The following HDDC2 variants were observed in gnomAD, a reference collection of about 807,000 sequenced individuals.
The protein encoded by HDDC2 is 5'-deoxynucleotidase HDDC2.
HDDC2 carries 25 observed loss-of-function variants against 25.5 expected under a neutral mutation model. The observed-to-expected ratio is 0.98, with a 90% CI of 0.72 to 1.37. HDDC2 has a LOEUF of 1.37. Among genes scored for constraint, HDDC2 ranks in the 40% most tolerant of loss-of-function variants. The pLI is 0.00. For synonymous variants in HDDC2, 106 were observed against 89.7 expected (o/e 1.18, Z -1.03); for missense variants, 264 against 253.1 (o/e 1.04, Z -0.29).
intron 4 of HDDC2, among the ~76,000 whole-genome samples, chr6:125,286,629 A>G (rs1798540452): frequency 6.6e-6 from 1 of 152,216 alleles, no homozygotes; most frequent in Non-Finnish European, 1.5e-5. Context: ...ACAAGGTATT[A>G]TATGTGCAAT....
At chr6:125,290,132 T>C (rs918211523) in intron 4 of HDDC2, among the ~76,000 whole-genome samples, 2 of 152,240 alleles carry the variant, frequency 1.3e-5, no homozygotes, top group Non-Finnish European at 2.9e-5. Context: ...ATGTAACTAA[T>C]GCTATTCTAA....
chr6:125,291,699 T>C (rs1220856980), intron 4 of HDDC2, among the ~76,000 whole-genome samples: 2 of 152,150 alleles, frequency 1.3e-5, no homozygotes, highest in Non-Finnish European at 2.9e-5. Context: ...TGTGGTTAAA[T>C]AGAGTCAAGT....
chr6:125,292,216 AT>A (rs915413775), intron 4 of HDDC2, among the ~76,000 whole-genome samples: 5 of 151,700 alleles, frequency 3.3e-5, no homozygotes, highest in South Asian at 2.1e-4. Context: ...GGAAAGGGGA[AT>A]TTTTTTTTCC....
At chr6:125,300,774 C>T (rs9491377) in intron 1 of HDDC2, 115 bp from the exon 2 acceptor site, 193,613 of 1,030,528 alleles carry the variant, frequency 0.19, 22,957 homozygotes, top group African/African-American at 0.53. Flanking sequence ...AATTTCAGAA[C>T]CTATTACAAA....
intron 3 of HDDC2, among the ~76,000 whole-genome samples, chr6:125,295,948 G>A (rs559943279): frequency 6.9e-4 from 105 of 152,184 alleles, no homozygotes; most frequent in Non-Finnish European, 1.3e-3. Context: ...CAGACTACAA[G>A]TATTGCTTTT....
At position 125,297,598 on chromosome 6, in the gene HDDC2, C is replaced by G. The variant is rs572292251; in HGVS notation, c.309+1116G>C. The G allele has an allele frequency of 8.6e-5, 34 of 395,162 alleles. No homozygotes were observed. The South Asian group carries it at 3.9e-3, about 45-fold the overall frequency. 24.5% of individuals were successfully genotyped at this position (395,162 alleles called of 1,614,324 possible). On this transcript the variant is annotated intron_variant, in intron 3 of 5. Coordinates refer to ENST00000398153, the MANE Select transcript of HDDC2 (RefSeq NM_016063.3). ...CAAAGACACAGTAACAGTCTGATGT[C>G]TCTTTCTTTTCCCCCACAAGCTCCA... is the stretch of plus-strand genomic sequence containing the variant.
chr6:125,300,417 A>T, intron 2 of HDDC2, 121 bp downstream of exon 2: 1 of 1,231,618 alleles, frequency 8.1e-7, no homozygotes, highest in South Asian at 1.7e-5. Context: ...GTTTGCTTCA[A>T]ATAATTTTTC....
chr6:125,298,615 C>A lies in HDDC2; in HGVS notation c.309+99G>T, dbSNP rs1029760192. 5 of 822,660 alleles carry A rather than the reference C, an allele frequency of 6.1e-6. No individual in the cohort carries two copies. In the Admixed American group the frequency reaches 7.8e-5, roughly 13 times the overall value. 51.0% of individuals were successfully genotyped at this position (822,660 alleles called of 1,614,324 possible). On this transcript the variant is annotated intron_variant, in intron 3 of 5. Transcript: ENST00000398153. The stretch of plus-strand genomic sequence containing the variant: ...TAAGACACTACTAAGACTATCAAGG[C>A]GGTATTCTCCCTAACTGTAACAGGT...
intron 3 of HDDC2, among the ~76,000 whole-genome samples, chr6:125,294,584 G>C (rs1798678378): frequency 6.6e-6 from 1 of 152,150 alleles, no homozygotes. Flanking sequence ...ACACAAGTTT[G>C]CCAATTACTT....
chr6:125,275,746 AC>A lies in HDDC2; in HGVS notation c.*399del. ...ACATTTTCTTTTCTGGATTCTTATC[AC>A]TAAATCAGCTGAAGAATCTGTTCTT... On this transcript the variant is annotated 3_prime_UTR_variant, in exon 6 of 6. Transcript: ENST00000398153. 1 of 171,262 alleles carries A rather than the reference AC, an allele frequency of 5.8e-6. No homozygotes were observed. The highest frequency in any genetic ancestry group is 1.7e-4 in the East Asian group (1 of 5,716). The allele number at this position is 171,262 out of a possible 1,614,324, so 10.6% of individuals were successfully genotyped here.
At chr6:125,276,789 G>A in intron 5 of HDDC2, 1 of 333,384 alleles carries the variant, frequency 3.0e-6, no homozygotes, top group Non-Finnish European at 5.5e-6. Flanking sequence ...TGCTTTGGTA[G>A]CAACCAAGCT....
intron 3 of HDDC2, among the ~76,000 whole-genome samples, chr6:125,293,768 T>C (rs559175132): frequency 5.9e-5 from 9 of 152,306 alleles, no homozygotes; most frequent in Admixed American, 2.0e-4. Flanking sequence ...GGCTGGACTA[T>C]CTGTGGCCAC....
intron 2 of HDDC2, chr6:125,300,250 C>T: frequency 2.9e-6 from 1 of 350,400 alleles, no homozygotes; most frequent in Non-Finnish European, 5.2e-6. Context: ...TAATACAATG[C>T]TAGAATTTTA....
chr6:125,301,649 C>G (rs945445188), intron 1 of HDDC2, among the ~76,000 whole-genome samples, 200 bp downstream of exon 1: 1 of 152,190 alleles, frequency 6.6e-6, no homozygotes, highest in Admixed American at 6.5e-5. Context: ...AGCTGGCCAG[C>G]CTGTCCCGCC....
intron 4 of HDDC2, among the ~76,000 whole-genome samples, chr6:125,286,322 C>A (rs1054072583): frequency 3.3e-5 from 5 of 152,060 alleles, no homozygotes; most frequent in Admixed American, 6.6e-5. Flanking sequence ...TAGATATAGT[C>A]CAACTATTCA....
chr6:125,277,407 C>T, intron 4 of HDDC2, 167 bp from the exon 5 acceptor site: 1 of 608,074 alleles, frequency 1.6e-6, no homozygotes, highest in Non-Finnish European at 2.9e-6. Context: ...TCTGTAATTT[C>T]ACAGCCTAAC....
intron 1 of HDDC2, among the ~76,000 whole-genome samples, chr6:125,301,213 TAGTC>T (rs1186305315): frequency 6.6e-6 from 1 of 152,222 alleles, no homozygotes; most frequent in Non-Finnish European, 1.5e-5. Flanking sequence ...TTATAAATAG[TAGTC>T]AGAGTGGCAT....
At position 125,301,867 on chromosome 6, in the gene HDDC2, C is replaced by T. The variant is rs753258265; in HGVS notation, c.66G>A (p.Arg22=). Residue 22 remains arginine (R), a synonymous_variant, in exon 1 of 6, where the codon CGG becomes CGA. Transcript: ENST00000398153. ...CGCTCACCTTGAGCTGCCCTACCAG[C>T]CGCAGGAACTGCAGTAGGGACCGAG... The part of the protein sequence containing the change: ...HGARSLLQFL[R]LVGQLKRVPR... 6.5e-7 allele frequency: 1 copy of T among 1,547,976 alleles called. No individual in the cohort carries two copies. Among genetic ancestry groups the T allele is most frequent in the Non-Finnish European group, 8.7e-7 (1 of 1,147,948 alleles).
chr6:125,286,098 G>A (rs77501168), intron 4 of HDDC2, among the ~76,000 whole-genome samples: 1 of 152,188 alleles, frequency 6.6e-6, no homozygotes, highest in Non-Finnish European at 1.5e-5. Context: ...AGAACACAGA[G>A]AAACTATTAA....
Sources: gnomAD v4.1 joint callset for allele counts (sites outside exome capture counted in the v4.1 genomes callset) on GRCh38, gnomAD v4.1.1 for gene constraint, MANE v1.5 for transcripts, NCBI Gene and HGNC (gene_info 2026-07-23, HGNC 2026-07-21) for gene names.